TBCE: variants seen among roughly 807,000 people sequenced by gnomAD.
The protein encoded by TBCE is tubulin-specific chaperone E.
TBCE carries 53 observed loss-of-function variants against 77.0 expected under a neutral mutation model. That is an observed-to-expected ratio of 0.69 (90% CI 0.55 to 0.87). TBCE has a LOEUF of 0.87. Among genes scored for constraint, TBCE ranks in the 40% least tolerant of loss-of-function variants. TBCE has a pLI of 0.00. For missense variants in TBCE, 624 were observed against 622.4 expected, an observed-to-expected ratio of 1.00 and a Z score of -0.03; for synonymous variants, 235 against 241.3, an observed-to-expected ratio of 0.97 and a Z score of 0.24.
chr1:235,436,742 T>G, intron 11 of TBCE, 134 bp downstream of exon 11: 1 of 890,732 alleles, frequency 1.1e-6, no homozygotes, highest in Admixed American at 2.1e-5. Flanking sequence ...AGAGTGAAAC[T>G]CCTCATAAGA....
intron 14 of TBCE, among the ~76,000 whole-genome samples, chr1:235,442,259 C>T (rs1465958021): frequency 6.6e-6 from 1 of 152,168 alleles, no homozygotes; most frequent in Non-Finnish European, 1.5e-5. Context: ...CAACCTCCGC[C>T]TCCCGGGTTC....
At chr1:235,423,515 G>A (rs1680527202) in intron 5 of TBCE, 1 of 152,476 alleles carries the variant, frequency 6.6e-6, no homozygotes, top group South Asian at 2.1e-4. Context: ...GGTGGCCAAA[G>A]TGTCACCCAG....
intron 2 of TBCE, among the ~76,000 whole-genome samples, chr1:235,383,607 G>T (rs934420144): frequency 2.0e-5 from 3 of 151,976 alleles, no homozygotes; most frequent in Admixed American, 1.3e-4. Flanking sequence ...TCATGATTTG[G>T]CTCTCTGTTT....
At chr1:235,397,600 A>G (rs910423558) in intron 2 of TBCE, among the ~76,000 whole-genome samples, 3 of 152,220 alleles carry the variant, frequency 2.0e-5, no homozygotes, top group Non-Finnish European at 4.4e-5. Context: ...GTTGGGCCTG[A>G]TTATGATTGG....
intron 2 of TBCE, among the ~76,000 whole-genome samples, chr1:235,383,131 T>A: frequency 4.3e-5 from 6 of 140,652 alleles, no homozygotes; most frequent in South Asian, 2.4e-4. Flanking sequence ...GTTGTAGATA[T>A]GCGGCGTTAT....
At chr1:235,424,273 C>T (rs568070453) in intron 5 of TBCE, among the ~76,000 whole-genome samples, 13 of 147,988 alleles carry the variant, frequency 8.8e-5, no homozygotes, top group Non-Finnish European at 1.9e-4. Flanking sequence ...AGCAGCAGTG[C>T]GGGTGGTGGC....
chr1:235,378,876 GAA>G (rs960420983), intron 1 of TBCE, among the ~76,000 whole-genome samples: 1 of 152,038 alleles, frequency 6.6e-6, no homozygotes, highest in Non-Finnish European at 1.5e-5. Flanking sequence ...AAGAAAAAAA[GAA>G]AGTGAGTTTT....
chr1:235,390,426 G>A (rs1293713745), intron 2 of TBCE, among the ~76,000 whole-genome samples: 1 of 152,008 alleles, frequency 6.6e-6, no homozygotes, highest in Non-Finnish European at 1.5e-5. Context: ...GGTTTATCCA[G>A]TTGGGCTCAG....
intron 3 of TBCE, among the ~76,000 whole-genome samples, chr1:235,409,955 G>A (rs373303927): frequency 2.0e-5 from 3 of 147,248 alleles, no homozygotes; most frequent in African/African-American, 7.7e-5. Context: ...GCGTGAACCC[G>A]GGAGTTGGAG....
At position 235,380,161 on chromosome 1, in the gene TBCE, TTGTGTGTGTGTGTGTGTGTGTGTG is replaced by T. The variant is rs10524346; in HGVS notation, c.100+42_100+65del. 7.9e-3 allele frequency: 8,928 copies of T among 1,137,044 alleles called. 52 individuals carry two copies. Among genetic ancestry groups the T allele is most frequent in the African/African-American group, 0.034 (2,163 of 63,332 alleles). The allele number at this position is 1,137,044 out of a possible 1,614,324, so 70.4% of individuals were successfully genotyped here. ...CCCTCCCGTGGCAGGTAAGCAATTA[TTGTGTGTGTGTGTGTGTGTGTGTG>T]TGTGTGTGTGTGTGTGTGTGTGTGT... is the stretch of plus-strand genomic sequence containing the variant. On this transcript the variant is annotated intron_variant, in intron 2 of 16. Coordinates refer to ENST00000642610, the MANE Select transcript of TBCE (RefSeq NM_003193.5).
chr1:235,408,282 AAAATT>A (rs1679574245), intron 3 of TBCE, among the ~76,000 whole-genome samples: 1 of 152,256 alleles, frequency 6.6e-6, no homozygotes, highest in African/African-American at 2.4e-5. Context: ...TGTACCCACA[AAAATT>A]AAAAATTAAA....
At chr1:235,387,184 G>A (rs1232520005) in intron 2 of TBCE, among the ~76,000 whole-genome samples, 8 of 152,166 alleles carry the variant, frequency 5.3e-5, no homozygotes, top group South Asian at 2.1e-4. Flanking sequence ...GTACCCGGCC[G>A]TGTGAGGTGT....
intron 8 of TBCE, among the ~76,000 whole-genome samples, chr1:235,435,347 C>T (rs1177722641): frequency 2.6e-5 from 4 of 152,074 alleles, no homozygotes; most frequent in Admixed American, 1.3e-4. Context: ...ATGATCCACC[C>T]GCCTCGGCCT....
Position 235,434,520 on chromosome 1 carries a change from T to C in TBCE, c.737+240T>C, listed in dbSNP as rs56812242. Among the ~76,000 whole-genome samples the C allele has an allele frequency of 0.023, 3,380 of 149,840 alleles. 139 individuals are homozygous for C. Among genetic ancestry groups the C allele is most frequent in the African/African-American group, 0.079 (3,187 of 40,456 alleles). On this transcript the variant is annotated intron_variant, in intron 8 of 16. Transcript: ENST00000642610. ...GTTATATTAGTTTTGCATCAGTGTATTAACTTGCTGTTTCTTTTTTTTCTT... is the reference window on the plus strand; with the variant it reads ...GTTATATTAGTTTTGCATCAGTGTACTAACTTGCTGTTTCTTTTTTTTCTT...
At chr1:235,419,312 C>T in intron 4 of TBCE, 161 bp from the exon 5 acceptor site, 1 of 1,091,582 alleles carries the variant, frequency 9.2e-7, no homozygotes, top group Admixed American at 2.3e-5. Flanking sequence ...TGCTCTTTTT[C>T]TTTTTTGTAA....
chr1:235,432,033 G>A (rs945033075), intron 7 of TBCE, among the ~76,000 whole-genome samples: 1 of 151,784 alleles, frequency 6.6e-6, no homozygotes, highest in Non-Finnish European at 1.5e-5. Context: ...GCCCAAGTTG[G>A]AGTGCAGTGG....
Position 235,450,269 on chromosome 1 carries a change from T to G in TBCE, c.*1507T>G. 1 of 1,614,022 alleles carries G rather than the reference T, an allele frequency of 6.2e-7. No homozygotes were observed. The highest frequency in any genetic ancestry group is 8.5e-7 in the Non-Finnish European group (1 of 1,179,860). ...CCTTCAGTTTCCACAGTTCCGTCAG[T>G]TCCCACGGAGAATACTGAGGAGAAG... On this transcript the variant is annotated 3_prime_UTR_variant, in exon 17 of 17. Transcript: ENST00000642610.
chr1:235,406,902 T>A (rs1371944505), intron 3 of TBCE, among the ~76,000 whole-genome samples: 1 of 146,458 alleles, frequency 6.8e-6, no homozygotes, highest in East Asian at 2.1e-4. Context: ...TGGCGTGATC[T>A]CGCCTCACTG....
intron 2 of TBCE, among the ~76,000 whole-genome samples, chr1:235,385,436 C>T (rs866858388): frequency 0.15 from 23,332 of 150,996 alleles, 2,422 homozygotes; most frequent in African/African-American, 0.29. Flanking sequence ...CTCCCATTAT[C>T]ATTGTGTGGG....
Sources: gnomAD v4.1 joint callset for allele counts (sites outside exome capture counted in the v4.1 genomes callset) on GRCh38, gnomAD v4.1.1 for gene constraint, MANE v1.5 for transcripts, NCBI Gene and HGNC (gene_info 2026-07-23, HGNC 2026-07-21) for gene names.